Variants in TAS2R1 observed in about 807,000 individuals in gnomAD.
TAS2R1 encodes taste receptor type 2 member 1.
For missense variants in TAS2R1, 370 were observed against 353.4 expected (o/e 1.05, Z -0.38); for synonymous variants, 141 against 134.2 (o/e 1.05, Z -0.35).
chr5:9,713,521 C>A (rs1011245062), upstream of TAS2R1, among the ~76,000 whole-genome samples: 4 of 152,120 alleles, frequency 2.6e-5, no homozygotes, highest in Non-Finnish European at 4.4e-5. Flanking sequence ...AATTGTTCCA[C>A]AGAGAGTAGG....
rs149475499 is a variant in TAS2R1 at position 9,665,331 on chromosome 5, G to A, written c.-241-5750C>T. On this transcript the variant is annotated intron_variant, in intron 1 of 2. Coordinates refer to the TAS2R1 transcript ENST00000506620. ...CAATCCAGGATAATCTCCTCATCTC[G>A]AAATCAACTGATTAGTAGCCCTAAT... Among the ~76,000 whole-genome samples the A allele has an allele frequency of 2.7e-4, 41 of 152,254 alleles. No homozygotes were observed. The East Asian group carries it at 6.6e-3, about 24-fold the overall frequency.
At chr5:9,837,054 A>G in the TAS2R1 span, among the ~76,000 whole-genome samples, 16 of 152,308 alleles carry the variant, frequency 1.1e-4, no homozygotes, top group East Asian at 2.9e-3. Flanking sequence ...TTGGAACTCA[A>G]TGGTGACCTG....
chr5:9,855,746 G>A, the TAS2R1 span, among the ~76,000 whole-genome samples: 1 of 152,238 alleles, frequency 6.6e-6, no homozygotes, highest in Non-Finnish European at 1.5e-5. Context: ...TCTGATATGA[G>A]AAAGTCAAAC....
the TAS2R1 span, among the ~76,000 whole-genome samples, chr5:9,837,729 G>A: frequency 2.0e-4 from 30 of 152,158 alleles, no homozygotes; most frequent in African/African-American, 2.9e-4. Flanking sequence ...CACAGGAACC[G>A]TCTTGGCTTT....
At chr5:9,854,112 G>A in the TAS2R1 span, among the ~76,000 whole-genome samples, 7 of 152,194 alleles carry the variant, frequency 4.6e-5, no homozygotes, top group Admixed American at 1.3e-4. Flanking sequence ...TGAAGACTGT[G>A]AGGGAGAATC....
In TAS2R1 at chr5:9,677,519, C is replaced by T. The variant is rs570035086; in HGVS notation, c.-241-17938G>A. ...ATTTCAAATGTACAAAAAACTGAAC[C>T]GATACCTCACCAAAGAAGATTAGAC... On this transcript the variant is annotated intron_variant, in intron 1 of 2. Coordinates refer to the TAS2R1 transcript ENST00000506620. Among the ~76,000 whole-genome samples, 11 of 151,790 alleles carry T rather than the reference C, an allele frequency of 7.2e-5. No homozygotes were observed. In the East Asian group the frequency reaches 9.7e-4, roughly 13 times the overall value.
the TAS2R1 span, among the ~76,000 whole-genome samples, chr5:9,853,667 C>G: frequency 1.1e-4 from 17 of 152,214 alleles, no homozygotes; most frequent in African/African-American, 4.1e-4. Context: ...ACAAGAAACC[C>G]TTGGCGATAT....
the TAS2R1 span, among the ~76,000 whole-genome samples, chr5:9,789,460 T>C: frequency 6.6e-6 from 1 of 152,238 alleles, no homozygotes; most frequent in African/African-American, 2.4e-5. Flanking sequence ...GGATAGGATC[T>C]TCTCCAATAA....
intron 1 of TAS2R1, among the ~76,000 whole-genome samples, chr5:9,706,246 T>A (rs1308326615): frequency 2.0e-5 from 3 of 152,120 alleles, no homozygotes; most frequent in African/African-American, 7.2e-5. Context: ...TTCAGGAGTG[T>A]TGAGGCTATC....
chr5:9,793,903 G>A, the TAS2R1 span, among the ~76,000 whole-genome samples: 1 of 152,182 alleles, frequency 6.6e-6, no homozygotes, highest in South Asian at 2.1e-4. Flanking sequence ...CTCCAGAGCT[G>A]AGCCTCAGAT....
chr5:9,889,707 G>A, the TAS2R1 span: 1 of 152,226 alleles, frequency 6.6e-6, no homozygotes, highest in Non-Finnish European at 1.5e-5. Context: ...CATGTGAGAG[G>A]TCATGGAGCC....
At chr5:9,681,032 A>C (rs1344841627) in intron 1 of TAS2R1, among the ~76,000 whole-genome samples, 2 of 152,188 alleles carry the variant, frequency 1.3e-5, no homozygotes, top group African/African-American at 2.4e-5. Context: ...ACTGCACTCC[A>C]GCCTGGGTGA....
At chr5:9,797,289 C>A in the TAS2R1 span, among the ~76,000 whole-genome samples, 2 of 152,118 alleles carry the variant, frequency 1.3e-5, no homozygotes, top group Admixed American at 6.5e-5. Flanking sequence ...TGCTGACGTA[C>A]CCTACAATGC....
the TAS2R1 span, among the ~76,000 whole-genome samples, chr5:9,748,718 A>C: frequency 4.1e-3 from 626 of 152,326 alleles, no homozygotes; most frequent in Non-Finnish European, 6.4e-3. Context: ...TAATCTATTC[A>C]TGAGGAGTCT....
At chr5:9,880,339 T>C in the TAS2R1 span, among the ~76,000 whole-genome samples, 1 of 152,180 alleles carries the variant, frequency 6.6e-6, no homozygotes, top group African/African-American at 2.4e-5. Flanking sequence ...TTGGATGAAC[T>C]ATGGTACATC....
At chr5:9,876,214 A>T in the TAS2R1 span, among the ~76,000 whole-genome samples, 82 of 151,484 alleles carry the variant, frequency 5.4e-4, 1 homozygote, top group East Asian at 0.014. Flanking sequence ...CAACAAATGG[A>T]GGAGGAAAGG....
intron 2 of TAS2R1, among the ~76,000 whole-genome samples, chr5:9,651,454 T>C (rs559485906): frequency 6.6e-6 from 1 of 152,296 alleles, no homozygotes; most frequent in Non-Finnish European, 1.5e-5. Context: ...ATATGAGTGT[T>C]ACTTAAGAAC....
At chr5:9,812,870 C>T in the TAS2R1 span, among the ~76,000 whole-genome samples, 1 of 152,112 alleles carries the variant, frequency 6.6e-6, no homozygotes, top group Non-Finnish European at 1.5e-5. Context: ...CATCTGACTG[C>T]CCAGAGGAAA....
At chr5:9,882,441 C>T in the TAS2R1 span, among the ~76,000 whole-genome samples, 1 of 152,112 alleles carries the variant, frequency 6.6e-6, no homozygotes, top group Non-Finnish European at 1.5e-5. Context: ...GCTAGGCCAA[C>T]ATGGTGAAAC....
Sources: allele counts gnomAD v4.1 joint callset (sites outside exome capture counted in the v4.1 genomes callset), GRCh38; gene constraint gnomAD v4.1.1; transcripts MANE v1.5; gene names NCBI Gene and HGNC (gene_info 2026-07-23, HGNC 2026-07-21).